The following CHL1 variants were observed in gnomAD, a reference collection of about 807,000 sequenced individuals.
CHL1 encodes neural cell adhesion molecule L1-like protein.
CHL1 carries 96 observed loss-of-function variants against 141.9 expected under a neutral mutation model. That is an observed-to-expected ratio of 0.68 (90% CI 0.57 to 0.80). CHL1 has a LOEUF of 0.80. Among genes scored for constraint, CHL1 ranks in the 30% least tolerant of loss-of-function variants. The pLI is 0.00. For synonymous variants in CHL1, 613 were observed against 502.2 expected (o/e 1.22, Z -2.95); for missense variants, 1,820 against 1,457.2 (o/e 1.25, Z -4.05).
rs1219369816 is a variant in CHL1 at position 317,274 on chromosome 3, CACCATTACTGAATAATTAGTATCTAT to C, written c.-94-2407_-94-2382del. On this transcript the variant is annotated intron_variant, in intron 2 of 27. Transcript: ENST00000256509. ...ACGATTAAAATTCAAAAAATGGGAT[CACCATTACTGAATAATTAGTATCTAT>C]AAGCTACTTTACTAAAATTAGAGAC... Among the ~76,000 whole-genome samples the C allele has an allele frequency of 1.1e-4, 17 of 152,000 alleles. No homozygotes were observed. The Middle Eastern group carries it at 0.014, about 122-fold the overall frequency.
chr3:284,146 C>T (rs990746982), intron 2 of CHL1, among the ~76,000 whole-genome samples: 2 of 152,008 alleles, frequency 1.3e-5, no homozygotes, highest in Non-Finnish European at 2.9e-5. Flanking sequence ...CTAGATAAAA[C>T]AACGAAACAA....
intron 1 of CHL1, among the ~76,000 whole-genome samples, chr3:232,692 G>T (rs899416903): frequency 2.6e-5 from 4 of 151,896 alleles, no homozygotes; most frequent in Non-Finnish European, 4.4e-5. Flanking sequence ...GTTACAGTTT[G>T]CCATTTATAT....
chr3:337,521 C>T (rs538551368), intron 5 of CHL1, among the ~76,000 whole-genome samples: 48 of 151,196 alleles, frequency 3.2e-4, no homozygotes, highest in Non-Finnish European at 6.5e-4. Context: ...CCCCTCTCCC[C>T]CCACCCCACA....
At chr3:265,781 T>C (rs1446050205) in intron 2 of CHL1, among the ~76,000 whole-genome samples, 1 of 152,178 alleles carries the variant, frequency 6.6e-6, no homozygotes, top group African/African-American at 2.4e-5. Flanking sequence ...CGATGGTTTT[T>C]GTAAGGTGGG....
At chr3:352,125 T>G (rs945299677) in intron 10 of CHL1, among the ~76,000 whole-genome samples, 4 of 152,152 alleles carry the variant, frequency 2.6e-5, no homozygotes, top group African/African-American at 9.6e-5. Context: ...TCCAAAATGT[T>G]TTTGCATTTT....
At chr3:302,959 A>G (rs948310259) in intron 2 of CHL1, among the ~76,000 whole-genome samples, 2 of 152,166 alleles carry the variant, frequency 1.3e-5, no homozygotes, top group Non-Finnish European at 2.9e-5. Flanking sequence ...TTTTCTGCAT[A>G]TGGCTACCAG....
At chr3:212,492 A>C (rs1158459485) in intron 1 of CHL1, among the ~76,000 whole-genome samples, 2 of 152,138 alleles carry the variant, frequency 1.3e-5, no homozygotes, top group African/African-American at 2.4e-5. Context: ...AGACACCTGC[A>C]ACCTTTCCTT....
intron 2 of CHL1, among the ~76,000 whole-genome samples, chr3:253,587 A>G (rs950601649): frequency 5.3e-5 from 8 of 152,214 alleles, no homozygotes; most frequent in South Asian, 4.1e-4. Context: ...AATGTAATCC[A>G]ATAATACAAC....
intron 2 of CHL1, among the ~76,000 whole-genome samples, chr3:256,986 A>T (rs1007678669): frequency 6.6e-6 from 1 of 152,152 alleles, no homozygotes; most frequent in Non-Finnish European, 1.5e-5. Flanking sequence ...ATATGTAAGG[A>T]TTAAAGATGC....
intron 3 of CHL1, among the ~76,000 whole-genome samples, chr3:322,907 A>T (rs1575066166): frequency 6.6e-6 from 1 of 151,554 alleles, no homozygotes; most frequent in Admixed American, 6.6e-5. Flanking sequence ...GCAAAACAAA[A>T]ACAGTTTTGC....
At chr3:256,747 A>G (rs986709156) in intron 2 of CHL1, among the ~76,000 whole-genome samples, 5 of 152,166 alleles carry the variant, frequency 3.3e-5, no homozygotes, top group African/African-American at 1.2e-4. Flanking sequence ...GGGAGGATTC[A>G]TATGTATCTT....
Position 366,026 on chromosome 3 carries a change from C to A in CHL1, c.1662C>A (p.Ser554Arg), listed in dbSNP as rs757288176. 1 of 1,613,394 alleles carries A rather than the reference C, an allele frequency of 6.2e-7. No homozygotes were observed. Among genetic ancestry groups the A allele is most frequent in the Non-Finnish European group, 8.5e-7 (1 of 1,179,432 alleles). The change falls in exon 15 of 28, where the codon AGC (serine) becomes AGA (arginine). Residue 554 changes from serine to arginine, a missense_variant. Coordinates refer to ENST00000256509, the MANE Select transcript of CHL1 (RefSeq NM_006614.4). Reference protein sequence around the residue: ...KLHMLELHCESKCDSHLKHSL... With the variant: ...KLHMLELHCERKCDSHLKHSL... Reference sequence around the variant, plus strand: ...ATATGCTTGAATTACATTGTGAAAGCAAATGTGACTCACATTTGAAACACA... The same window carrying A: ...ATATGCTTGAATTACATTGTGAAAGAAAATGTGACTCACATTTGAAACACA...
chr3:234,873 G>C (rs1376422943), intron 1 of CHL1, among the ~76,000 whole-genome samples: 1 of 152,184 alleles, frequency 6.6e-6, no homozygotes. Flanking sequence ...CTCTGGGACA[G>C]AAATGCTTCA....
intron 15 of CHL1, among the ~76,000 whole-genome samples, chr3:371,482 T>A (rs759727065): frequency 6.6e-6 from 1 of 152,202 alleles, no homozygotes; most frequent in Non-Finnish European, 1.5e-5. Context: ...ATCCCTTTAT[T>A]TTGAATCTAT....
intron 2 of CHL1, among the ~76,000 whole-genome samples, chr3:292,564 G>A (rs773375535): frequency 6.6e-6 from 1 of 152,146 alleles, no homozygotes; most frequent in Admixed American, 6.5e-5. Context: ...GGCAAAAATT[G>A]CTATCTTATT....
At chr3:293,758 T>C (rs1468150566) in intron 2 of CHL1, among the ~76,000 whole-genome samples, 2 of 152,046 alleles carry the variant, frequency 1.3e-5, no homozygotes, top group South Asian at 2.1e-4. Context: ...TACTTATGTG[T>C]GTTAAATTGT....
intron 1 of CHL1, among the ~76,000 whole-genome samples, chr3:232,786 G>A (rs889313896): frequency 6.6e-6 from 1 of 152,102 alleles, no homozygotes; most frequent in African/African-American, 2.4e-5. Flanking sequence ...GACCTTCAGA[G>A]AGGTTGGCTA....
chr3:375,020 A>G (rs534391833), intron 15 of CHL1, among the ~76,000 whole-genome samples: 16 of 152,152 alleles, frequency 1.1e-4, no homozygotes, highest in African/African-American at 3.4e-4. Context: ...TGCCACTCTG[A>G]ACCATTAGAC....
chr3:392,635 A>G (rs2125451970), intron 23 of CHL1, among the ~76,000 whole-genome samples: 1 of 152,364 alleles, frequency 6.6e-6, no homozygotes, highest in South Asian at 2.1e-4. Context: ...ATCAATTCCC[A>G]AAACACCAGA....
Sources: gnomAD v4.1 joint callset for allele counts (sites outside exome capture counted in the v4.1 genomes callset) on GRCh38, gnomAD v4.1.1 for gene constraint, MANE v1.5 for transcripts, NCBI Gene and HGNC (gene_info 2026-07-23, HGNC 2026-07-21) for gene names.